The following CSGALNACT1 variants were observed in gnomAD, a reference collection of about 807,000 sequenced individuals.
The protein encoded by CSGALNACT1 is chondroitin sulfate N-acetylgalactosaminyltransferase 1, also known as beta4GalNAcT-1.
Under a neutral mutation model 51.0 loss-of-function variants are expected in CSGALNACT1, and 52 were observed. That is an observed-to-expected ratio of 1.02 (90% CI 0.82 to 1.29). CSGALNACT1 has a LOEUF of 1.29. Ranked by LOEUF, CSGALNACT1 falls within the 50% of genes most tolerant of loss-of-function variation. The pLI is 0.00. For missense variants in CSGALNACT1, 935 were observed against 679.2 expected (o/e 1.38, Z -4.19); for synonymous variants, 341 against 254.4 (o/e 1.34, Z -3.24).
At chr8:19,408,337 G>C (rs1473905549) in intron 9 of CSGALNACT1, among the ~76,000 whole-genome samples, 1 of 151,956 alleles carries the variant, frequency 6.6e-6, no homozygotes, top group African/African-American at 2.4e-5. Flanking sequence ...TTTTTGGAGT[G>C]ATTCTCTTTA....
At chr8:19,516,200 T>C (rs1168568558) in intron 3 of CSGALNACT1, among the ~76,000 whole-genome samples, 3 of 152,200 alleles carry the variant, frequency 2.0e-5, no homozygotes, top group Non-Finnish European at 4.4e-5. Flanking sequence ...TTATCTCATT[T>C]AATCCTCAAA....
At chr8:19,475,521 A>G (rs1465673922) in intron 4 of CSGALNACT1, among the ~76,000 whole-genome samples, 2 of 152,210 alleles carry the variant, frequency 1.3e-5, no homozygotes, top group Admixed American at 1.3e-4. Context: ...AGTCAGAAGC[A>G]TCAATCTTGT....
At chr8:19,666,766 A>G (rs1378260460) in intron 1 of CSGALNACT1, among the ~76,000 whole-genome samples, 1 of 6,740 alleles carries the variant, frequency 1.5e-4, no homozygotes, top group Non-Finnish European at 2.8e-4. Context: ...GAAAGAAGAA[A>G]GAAAGAAAGA....
chr8:19,740,980 G>C (rs2064276894), intron 1 of CSGALNACT1, among the ~76,000 whole-genome samples: 1 of 152,142 alleles, frequency 6.6e-6, no homozygotes. Flanking sequence ...CCATAGCAAA[G>C]CAACTTGGAA....
intron 3 of CSGALNACT1, among the ~76,000 whole-genome samples, chr8:19,582,698 C>CT (rs553431839): frequency 8.5e-4 from 129 of 151,970 alleles, no homozygotes; most frequent in Non-Finnish European, 9.4e-4. Context: ...ATGCTACAGA[C>CT]TTTTTTTTAT....
chr8:19,570,154 T>A (rs1339518087), intron 3 of CSGALNACT1, among the ~76,000 whole-genome samples: 1 of 152,004 alleles, frequency 6.6e-6, no homozygotes, highest in East Asian at 1.9e-4. Flanking sequence ...TAAACAGATA[T>A]ATTCATATGT....
At chr8:19,464,764 C>A (rs1024094418) in intron 4 of CSGALNACT1, among the ~76,000 whole-genome samples, 3 of 152,066 alleles carry the variant, frequency 2.0e-5, no homozygotes, top group African/African-American at 7.3e-5. Context: ...CAGTTTCATC[C>A]CAAAACCACC....
chr8:19,546,394 T>G (rs2086474499), intron 3 of CSGALNACT1, among the ~76,000 whole-genome samples: 1 of 152,132 alleles, frequency 6.6e-6, no homozygotes, highest in Admixed American at 6.6e-5. Flanking sequence ...AATCATCAAG[T>G]GGTAATTAAC....
chr8:19,588,272 C>T (rs1047718273), intron 3 of CSGALNACT1, among the ~76,000 whole-genome samples: 1 of 151,956 alleles, frequency 6.6e-6, no homozygotes, highest in African/African-American at 2.4e-5. Context: ...ACATACACAC[C>T]AATGAAAAAT....
intron 4 of CSGALNACT1, among the ~76,000 whole-genome samples, chr8:19,468,492 G>A (rs1461171093): frequency 6.6e-6 from 1 of 152,140 alleles, no homozygotes; most frequent in Admixed American, 6.5e-5. Flanking sequence ...GGAGAGGTGA[G>A]ATCTTTCAGG....
exon 10 of CSGALNACT1, chr8:19,405,909 G>A: frequency 6.2e-7 from 1 of 1,614,128 alleles, no homozygotes; most frequent in South Asian, 1.1e-5. Context: ...TGCACATCTT[G>A]TACTGCTCGG....
chr8:19,667,040 G>GAAGGAAGGAAGGAAGA (rs1564386938), intron 1 of CSGALNACT1, among the ~76,000 whole-genome samples: 12 of 34,968 alleles, frequency 3.4e-4, no homozygotes, highest in South Asian at 1.0e-3. Context: ...AGGAAGGAAG[G>GAAGGAAGGAAGGAAGA]AAGAAAGAAA....
At chr8:19,642,907 A>G (rs1015469013) in intron 1 of CSGALNACT1, among the ~76,000 whole-genome samples, 1 of 152,164 alleles carries the variant, frequency 6.6e-6, no homozygotes. Flanking sequence ...ATTTTTCTCC[A>G]TTTCAAAATA....
At chr8:19,728,863 CA>C (rs1023917071) in intron 1 of CSGALNACT1, among the ~76,000 whole-genome samples, 7 of 152,208 alleles carry the variant, frequency 4.6e-5, no homozygotes, top group African/African-American at 1.7e-4. Flanking sequence ...CCACCTTTGG[CA>C]TAAGACCTTT....
At chr8:19,683,737 T>C (rs2060798943), upstream of CSGALNACT1, among the ~76,000 whole-genome samples, 1 of 152,238 alleles carries the variant, frequency 6.6e-6, no homozygotes, top group Non-Finnish European at 1.5e-5. Context: ...AAAAGGATTT[T>C]TTCTACAGCT....
Position 19,503,301 on chromosome 8 carries a change from T to A in CSGALNACT1, c.634+1900A>T, listed in dbSNP as rs372713031. On this transcript the variant is annotated intron_variant, in intron 4 of 9. Transcript: ENST00000454498. ...CGAAATCAATACTGAGTAGCTATAATGTGTCTCTAAAAGAAGGTCAGCCAA... is the reference window on the plus strand; with the variant it reads ...CGAAATCAATACTGAGTAGCTATAAAGTGTCTCTAAAAGAAGGTCAGCCAA... Among the ~76,000 whole-genome samples the A allele has an allele frequency of 2.6e-5, 4 of 152,300 alleles. No homozygotes were observed. In the East Asian group the frequency reaches 5.8e-4, roughly 22 times the overall value.
intron 1 of CSGALNACT1, among the ~76,000 whole-genome samples, chr8:19,681,197 C>T (rs1382708783): frequency 6.6e-6 from 1 of 152,126 alleles, no homozygotes; most frequent in Non-Finnish European, 1.5e-5. Context: ...GCAGAGCCCC[C>T]ACTGCCCCTG....
intron 3 of CSGALNACT1, among the ~76,000 whole-genome samples, chr8:19,518,992 G>C (rs1311268651): frequency 6.6e-6 from 1 of 152,174 alleles, no homozygotes; most frequent in East Asian, 1.9e-4. Context: ...ATTATGAGCA[G>C]GTAGAAGGGG....
chr8:19,633,006 G>C (rs994006899), intron 1 of CSGALNACT1, among the ~76,000 whole-genome samples: 5 of 151,250 alleles, frequency 3.3e-5, no homozygotes, highest in Admixed American at 6.6e-5. Context: ...GGGCTCAAGG[G>C]ATCTGCCCAC....
Sources: allele counts gnomAD v4.1 joint callset (sites outside exome capture counted in the v4.1 genomes callset), GRCh38; gene constraint gnomAD v4.1.1; transcripts MANE v1.5; gene names NCBI Gene and HGNC (gene_info 2026-07-23, HGNC 2026-07-21).